MEGF9: variants seen among roughly 807,000 people sequenced by gnomAD.
The protein encoded by MEGF9 is multiple epidermal growth factor-like domains protein 9.
MEGF9 carries 6 observed loss-of-function variants against 46.8 expected under a neutral mutation model. That is an observed-to-expected ratio of 0.13 (90% CI 0.07 to 0.25). The LOEUF is 0.25. MEGF9 is among the 10% of genes least tolerant of loss of function. MEGF9 has a pLI of 1.00. For synonymous variants in MEGF9, 302 were observed against 330.7 expected, an observed-to-expected ratio of 0.91 and a Z score of 0.94; for missense variants, 683 against 792.4, an observed-to-expected ratio of 0.86 and a Z score of 1.66.
intron 4 of MEGF9, among the ~76,000 whole-genome samples, chr9:120,611,827 G>GA (rs1275695213): frequency 3.6e-5 from 5 of 137,990 alleles, no homozygotes; most frequent in East Asian, 4.2e-4. Context: ...GAAAAGAAAA[G>GA]AAAGAAAGGA....
At chr9:120,646,173 A>G (rs1275421170) in intron 2 of MEGF9, among the ~76,000 whole-genome samples, 1 of 152,132 alleles carries the variant, frequency 6.6e-6, no homozygotes, top group East Asian at 1.9e-4. Context: ...ACTACTCTCC[A>G]TATTTTAAAT....
chr9:120,712,276 CAA>C (rs1283130772), intron 1 of MEGF9, among the ~76,000 whole-genome samples: 1 of 151,886 alleles, frequency 6.6e-6, no homozygotes, highest in Non-Finnish European at 1.5e-5. Flanking sequence ...AAAACAAAAA[CAA>C]AAAAAGTCTT....
chr9:120,674,130 G>GA (rs1365942158), intron 1 of MEGF9, among the ~76,000 whole-genome samples: 2 of 151,380 alleles, frequency 1.3e-5, no homozygotes, highest in African/African-American at 2.5e-5. Flanking sequence ...ATCCATAAAA[G>GA]AAAAATGTAT....
At chr9:120,609,039 G>A (rs2043432892) in intron 4 of MEGF9, among the ~76,000 whole-genome samples, 2 of 152,190 alleles carry the variant, frequency 1.3e-5, no homozygotes, top group African/African-American at 4.8e-5. Flanking sequence ...ATAAGAATAT[G>A]TTACTTCTCT....
chr9:120,673,058 TTAAC>T (rs978254875), intron 1 of MEGF9, among the ~76,000 whole-genome samples: 1 of 152,082 alleles, frequency 6.6e-6, no homozygotes, highest in African/African-American at 2.4e-5. Context: ...AGATACAAAA[TTAAC>T]AAACAAAAAT....
intron 2 of MEGF9, among the ~76,000 whole-genome samples, chr9:120,654,735 G>C (rs751538145): frequency 6.6e-6 from 1 of 152,138 alleles, no homozygotes; most frequent in Non-Finnish European, 1.5e-5. Flanking sequence ...AGAAAGCACT[G>C]TTATCATGGA....
At chr9:120,649,792 G>C (rs1173804862) in intron 2 of MEGF9, among the ~76,000 whole-genome samples, 2 of 152,068 alleles carry the variant, frequency 1.3e-5, no homozygotes, top group African/African-American at 4.8e-5. Flanking sequence ...AATTGGTTTT[G>C]TTGTACCTTG....
At chr9:120,650,771 C>T (rs529743785) in intron 2 of MEGF9, among the ~76,000 whole-genome samples, 2 of 151,908 alleles carry the variant, frequency 1.3e-5, no homozygotes, top group Non-Finnish European at 2.9e-5. Flanking sequence ...GTTAGGATAT[C>T]AGATTTCTTA....
intron 1 of MEGF9, among the ~76,000 whole-genome samples, chr9:120,673,830 C>A (rs1405079431): frequency 1.3e-5 from 2 of 151,802 alleles, no homozygotes; most frequent in African/African-American, 2.4e-5. Flanking sequence ...ATTAGCTGGG[C>A]GCGGTGGCAG....
chr9:120,655,275 T>C (rs1339011799), intron 2 of MEGF9, among the ~76,000 whole-genome samples: 1 of 152,234 alleles, frequency 6.6e-6, no homozygotes, highest in African/African-American at 2.4e-5. Flanking sequence ...TTATCTTTTA[T>C]ACGTTTGCTG....
intron 1 of MEGF9, among the ~76,000 whole-genome samples, chr9:120,713,133 T>C (rs560491760): frequency 6.6e-6 from 1 of 152,354 alleles, no homozygotes; most frequent in East Asian, 1.9e-4. Context: ...TCAGCCTAGA[T>C]ACACACCTGT....
At chr9:120,611,870 AG>A (rs2043448627) in intron 4 of MEGF9, among the ~76,000 whole-genome samples, 1 of 150,494 alleles carries the variant, frequency 6.6e-6, no homozygotes, top group African/African-American at 2.5e-5. Context: ...GAAGAAAGAG[AG>A]AGAGAGAGAG....
intron 1 of MEGF9, among the ~76,000 whole-genome samples, chr9:120,711,888 TA>T (rs2043955636): frequency 7.2e-6 from 1 of 138,334 alleles, no homozygotes; most frequent in Non-Finnish European, 1.5e-5. Context: ...GGCCTGGTCA[TA>T]AGCATAGCTA....
At chr9:120,661,994 G>A (rs926068432) in intron 1 of MEGF9, among the ~76,000 whole-genome samples, 1 of 152,038 alleles carries the variant, frequency 6.6e-6, no homozygotes, top group Non-Finnish European at 1.5e-5. Flanking sequence ...AAGAAAAAAT[G>A]AAAATACTAA....
intron 3 of MEGF9, among the ~76,000 whole-genome samples, chr9:120,620,823 G>A (rs1453723037): frequency 6.6e-6 from 1 of 151,086 alleles, no homozygotes; most frequent in African/African-American, 2.4e-5. Flanking sequence ...AGATAAAACT[G>A]GCAAATAGGC....
chr9:120,607,594 G>T, intron 5 of MEGF9, 147 bp downstream of exon 5: 1 of 805,238 alleles, frequency 1.2e-6, no homozygotes, highest in Non-Finnish European at 1.9e-6. Flanking sequence ...AGAGCAGCAG[G>T]AATGGAAGGA....
At chr9:120,710,032 C>CAAAAAAAAAAAAAAAAAAAATCAAAAAA (rs2043946372) in intron 1 of MEGF9, among the ~76,000 whole-genome samples, 1 of 97,902 alleles carries the variant, frequency 1.0e-5, no homozygotes. Context: ...AACTCCGTCT[C>CAAAAAAAAAAAAAAAAAAAATCAAAAAA]AAAAAAAAAA....
intron 2 of MEGF9, among the ~76,000 whole-genome samples, chr9:120,641,451 A>T (rs763673236): frequency 2.9e-4 from 44 of 152,310 alleles, no homozygotes; most frequent in Non-Finnish European, 5.3e-4. Context: ...ATAAAAACAA[A>T]GAATAGAGGT....
chr9:120,692,599 G>A (rs2132338783), intron 1 of MEGF9, among the ~76,000 whole-genome samples: 1 of 152,172 alleles, frequency 6.6e-6, no homozygotes, highest in Middle Eastern at 3.4e-3. Context: ...AGCATGACAT[G>A]GAAAGCACAT....
Sources: allele counts gnomAD v4.1 joint callset (sites outside exome capture counted in the v4.1 genomes callset), GRCh38; gene constraint gnomAD v4.1.1; transcripts MANE v1.5; gene names NCBI Gene and HGNC (gene_info 2026-07-23, HGNC 2026-07-21).